Variants in DIS3L observed in about 807,000 individuals in gnomAD.
DIS3L encodes DIS3-like exonuclease 1.
A neutral mutation model predicts 120.3 loss-of-function variants in DIS3L; 100 were observed. That is an observed-to-expected ratio of 0.83 (90% CI 0.71 to 0.98). The LOEUF (loss-of-function observed/expected upper bound fraction) is 0.98, where lower values mean the gene tolerates loss of function less well. Ranked by LOEUF, DIS3L falls within the 50% of genes least tolerant of loss-of-function variation. The pLI, the probability that DIS3L is intolerant of heterozygous loss-of-function variation, is 0.00. For synonymous variants in DIS3L, 426 were observed against 470.6 expected (o/e 0.91, Z 1.23); for missense variants, 1,196 against 1,314.2 (o/e 0.91, Z 1.39).
intron 2 of DIS3L, among the ~76,000 whole-genome samples, chr15:66,306,016 G>T (rs1595724514): frequency 1.3e-5 from 2 of 152,160 alleles, no homozygotes; most frequent in East Asian, 1.9e-4. Flanking sequence ...TTGAGACAAG[G>T]TCTCACTGTG....
chr15:66,326,684 A>G, intron 12 of DIS3L: 1 of 217,290 alleles, frequency 4.6e-6, no homozygotes, highest in South Asian at 7.7e-5. Context: ...GGTTCAAGTG[A>G]CTCTCCTGCC....
chr15:66,294,075 C>CG, intron 1 of DIS3L: 4 of 986,232 alleles, frequency 4.1e-6, no homozygotes, highest in Non-Finnish European at 4.8e-6. Flanking sequence ...CGCAACCTCG[C>CG]GCCGTGGAGA....
chr15:66,302,790 G>A (rs1383758475), intron 2 of DIS3L, among the ~76,000 whole-genome samples: 1 of 152,114 alleles, frequency 6.6e-6, no homozygotes, highest in Non-Finnish European at 1.5e-5. Flanking sequence ...GTTTGTTTTT[G>A]CCAAGTAGCA....
intron 12 of DIS3L, among the ~76,000 whole-genome samples, chr15:66,327,730 C>T (rs765118973): frequency 6.6e-5 from 10 of 151,738 alleles, no homozygotes; most frequent in Non-Finnish European, 1.0e-4. Context: ...GGTGACAGAG[C>T]GAGACTCTGT....
chr15:66,310,641 G>A (rs1156798501), intron 4 of DIS3L, among the ~76,000 whole-genome samples: 1 of 152,142 alleles, frequency 6.6e-6, no homozygotes, highest in Non-Finnish European at 1.5e-5. Flanking sequence ...CCATAGAATT[G>A]GGGCACTGAC....
intron 2 of DIS3L, among the ~76,000 whole-genome samples, chr15:66,295,712 A>G (rs2092579176): frequency 6.6e-6 from 1 of 152,222 alleles, no homozygotes; most frequent in Admixed American, 6.5e-5. Flanking sequence ...CTTGCCTAGT[A>G]CTTAAATGAA....
In DIS3L at chr15:66,315,218, G is replaced by A; in HGVS notation, c.994+3G>A. 1.2e-6 allele frequency: 2 copies of A among 1,604,048 alleles called. No homozygotes were observed. The highest frequency in any genetic ancestry group is 1.7e-6 in the Non-Finnish European group (2 of 1,173,150). ...CCCAAGTGAGCCCATGCCTACAGGT[G>A]AGCCAGCTGCAGAGCCACTCCGATG... On this transcript the variant is annotated splice_donor_region_variant and intron_variant, in intron 7 of 16. Coordinates refer to ENST00000319212, the MANE Select transcript of DIS3L (RefSeq NM_001143688.3).
chr15:66,298,418 C>T (rs1441282773), intron 2 of DIS3L, among the ~76,000 whole-genome samples: 1 of 152,114 alleles, frequency 6.6e-6, no homozygotes, highest in Non-Finnish European at 1.5e-5. Context: ...TGTTTAAGTA[C>T]TTTAATACAA....
At chr15:66,332,209 C>T (rs1173453270) in intron 15 of DIS3L, among the ~76,000 whole-genome samples, 189 bp downstream of exon 15, 1 of 152,148 alleles carries the variant, frequency 6.6e-6, no homozygotes, top group Non-Finnish European at 1.5e-5. Context: ...ATAATCCCAG[C>T]ACTTTGGGAG....
At chr15:66,310,029 C>T (rs8031365) in intron 4 of DIS3L, among the ~76,000 whole-genome samples, 2 of 152,134 alleles carry the variant, frequency 1.3e-5, no homozygotes, top group Non-Finnish European at 2.9e-5. Context: ...CTCAACAGAT[C>T]GCTGGTCGCT....
At chr15:66,326,416 G>A (rs759301927) in intron 12 of DIS3L, 52 bp downstream of exon 12, 2 of 1,553,242 alleles carry the variant, frequency 1.3e-6, no homozygotes, top group Admixed American at 1.9e-5. Context: ...TGTATATTTA[G>A]TTATCTTACA....
intron 1 of DIS3L, chr15:66,294,362 C>G: frequency 1.0e-6 from 1 of 985,562 alleles, no homozygotes; most frequent in South Asian, 4.7e-5. Flanking sequence ...ATGCACGTTA[C>G]TGGCTCTCTT....
intron 4 of DIS3L, among the ~76,000 whole-genome samples, chr15:66,310,099 A>G (rs1240088465): frequency 6.6e-6 from 1 of 152,196 alleles, no homozygotes; most frequent in Non-Finnish European, 1.5e-5. Context: ...TGGTGCAGAA[A>G]CTAGAATAAG....
At chr15:66,326,975 GC>G (rs2092945725) in intron 12 of DIS3L, among the ~76,000 whole-genome samples, 1 of 151,496 alleles carries the variant, frequency 6.6e-6, no homozygotes, top group Non-Finnish European at 1.5e-5. Context: ...TGTCATCCAG[GC>G]TGGAGTGCAG....
At position 66,306,777 on chromosome 15, in the gene DIS3L, G is replaced by A. The variant is rs144878924; in HGVS notation, c.294-47G>A. The A allele has an allele frequency of 8.9e-4, 1,433 of 1,609,514 alleles. 7 individuals are homozygous for A. The highest frequency in any genetic ancestry group is 1.0e-4 in the Non-Finnish European group (120 of 1,176,350). ...TGATCCTTAGCAAGAGATAGCAGTGGATGAGTACCTGCTTTGTTAGAGTTA... is the reference window on the plus strand; with the variant it reads ...TGATCCTTAGCAAGAGATAGCAGTGAATGAGTACCTGCTTTGTTAGAGTTA... On this transcript the variant is annotated intron_variant, in intron 2 of 16. Coordinates refer to ENST00000319212, the MANE Select transcript of DIS3L (RefSeq NM_001143688.3).
chr15:66,312,207 A>G (rs2077395475), intron 5 of DIS3L, among the ~76,000 whole-genome samples: 1 of 150,022 alleles, frequency 6.7e-6, no homozygotes, highest in Admixed American at 6.6e-5. Flanking sequence ...ACCTGTCTCA[A>G]TTAAAAAAAA....
chr15:66,309,094 A>AAAAAAAAATATATAT lies in DIS3L; in HGVS notation c.558+251_558+252insAAAAAAATATATATA. 3.7e-3 allele frequency among the ~76,000 whole-genome samples: 56 copies of AAAAAAAAATATATAT among 15,316 alleles called. 10 individuals carry two copies. The highest frequency in any genetic ancestry group is 5.7e-3 in the African/African-American group (29 of 5,124). The allele number at this position is 15,316 out of a possible 152,430, so 10.0% of individuals were successfully genotyped here. A position where few individuals can be genotyped will look rare whatever the true frequency, so the allele number is the denominator to read the frequency against. On this transcript the variant is annotated intron_variant, in intron 4 of 16. Coordinates refer to ENST00000319212, the MANE Select transcript of DIS3L (RefSeq NM_001143688.3). ...CTTGTCTCTACAGAAAAAAAAAAAAAATATATATATCTCCAAGCATGGTGG... is the reference window on the plus strand; with the variant it reads ...CTTGTCTCTACAGAAAAAAAAAAAAAAAAAAAAATATATATATATATATATCTCCAAGCATGGTGG...
intron 14 of DIS3L, chr15:66,329,925 AG>A: frequency 1.0e-6 from 1 of 984,500 alleles, no homozygotes; most frequent in Non-Finnish European, 1.2e-6. Context: ...AAAAAAAAAA[AG>A]ATATGAAGAC....
chr15:66,298,109 G>C (rs1164661330), intron 2 of DIS3L, among the ~76,000 whole-genome samples: 2 of 150,332 alleles, frequency 1.3e-5, no homozygotes, highest in African/African-American at 2.5e-5. Context: ...AACCCGGGAG[G>C]CGGAGGTTGT....
Sources: allele counts gnomAD v4.1 joint callset (sites outside exome capture counted in the v4.1 genomes callset), GRCh38; gene constraint gnomAD v4.1.1; transcripts MANE v1.5; gene names NCBI Gene and HGNC (gene_info 2026-07-23, HGNC 2026-07-21).